The following TMTC1 variants were observed in gnomAD, a reference collection of about 807,000 sequenced individuals.
TMTC1 encodes protein O-mannosyl-transferase TMTC1.
Under a neutral mutation model 104.8 loss-of-function variants are expected in TMTC1, and 73 were observed. That is an observed-to-expected ratio of 0.70 (90% CI 0.58 to 0.85). TMTC1 has a LOEUF of 0.85. Ranked by LOEUF, TMTC1 falls within the 40% of genes least tolerant of loss-of-function variation. The pLI is 0.00. For missense variants in TMTC1, 1,035 were observed against 1,096.1 expected (o/e 0.94, Z 0.79); for synonymous variants, 434 against 428.7 (o/e 1.01, Z -0.15).
chr12:29,663,784 T>C (rs1591888236), intron 5 of TMTC1, among the ~76,000 whole-genome samples: 1 of 151,562 alleles, frequency 6.6e-6, no homozygotes, highest in Non-Finnish European at 1.5e-5. Context: ...CTCAAAGTGC[T>C]GGGATTACAG....
intron 2 of TMTC1, among the ~76,000 whole-genome samples, chr12:29,763,262 G>A (rs113367376): frequency 7.6e-4 from 116 of 152,294 alleles, no homozygotes; most frequent in Non-Finnish European, 1.3e-3. Flanking sequence ...TCAAATATTC[G>A]TGTAACACTG....
intron 11 of TMTC1, among the ~76,000 whole-genome samples, chr12:29,524,635 G>A (rs1944283872): frequency 6.6e-6 from 1 of 152,176 alleles, no homozygotes; most frequent in Non-Finnish European, 1.5e-5. Flanking sequence ...GAAACTCCAT[G>A]TTTAAACTTC....
intron 5 of TMTC1, among the ~76,000 whole-genome samples, chr12:29,671,068 C>T (rs1449706414): frequency 1.3e-5 from 2 of 151,122 alleles, no homozygotes; most frequent in African/African-American, 4.9e-5. Flanking sequence ...CTGAGGTGGG[C>T]GGATCACGAG....
intron 15 of TMTC1, among the ~76,000 whole-genome samples, chr12:29,515,654 A>G (rs1943963185): frequency 6.6e-6 from 1 of 151,852 alleles, no homozygotes; most frequent in Non-Finnish European, 1.5e-5. Context: ...GTAGCGCTTC[A>G]TGATATTCCT....
At chr12:29,600,223 A>T (rs942540375) in intron 7 of TMTC1, among the ~76,000 whole-genome samples, 12 of 152,100 alleles carry the variant, frequency 7.9e-5, no homozygotes, top group Middle Eastern at 3.4e-3. Flanking sequence ...CATCCACGGG[A>T]TGCCTATAGC....
intron 5 of TMTC1, chr12:29,666,127 A>G (rs1256931438): frequency 2.4e-6 from 1 of 417,418 alleles, no homozygotes; most frequent in African/African-American, 2.1e-5. Flanking sequence ...TGTTATTTGA[A>G]TATTTTTAAC....
intron 6 of TMTC1, among the ~76,000 whole-genome samples, chr12:29,623,919 TC>T (rs1174725261): frequency 6.6e-6 from 1 of 152,144 alleles, no homozygotes; most frequent in Non-Finnish European, 1.5e-5. Flanking sequence ...TTTCCTTCAG[TC>T]CCCACCTCCT....
chr12:29,517,392 A>G (rs1274518308), intron 14 of TMTC1, 35 bp downstream of exon 14: 3 of 1,612,642 alleles, frequency 1.9e-6, no homozygotes, highest in Non-Finnish European at 2.5e-6. Context: ...GCCTGTGCTT[A>G]GGTTGCCAGC....
At chr12:29,663,561 G>C (rs1591887731) in intron 5 of TMTC1, among the ~76,000 whole-genome samples, 1 of 151,850 alleles carries the variant, frequency 6.6e-6, no homozygotes, top group South Asian at 2.1e-4. Context: ...TTGTCGCCCA[G>C]GCTAGAGTGT....
At chr12:29,642,550 C>A (rs983497478) in intron 5 of TMTC1, among the ~76,000 whole-genome samples, 1 of 151,964 alleles carries the variant, frequency 6.6e-6, no homozygotes, top group African/African-American at 2.4e-5. Flanking sequence ...TGAGAGAATT[C>A]ACAATTACCA....
At chr12:29,715,485 TTTTA>T (rs1193011379) in intron 5 of TMTC1, among the ~76,000 whole-genome samples, 2 of 152,192 alleles carry the variant, frequency 1.3e-5, no homozygotes. Context: ...TTCAATAACA[TTTTA>T]TTTTTCACTT....
chr12:29,703,079 G>T (rs1941643679), intron 5 of TMTC1, among the ~76,000 whole-genome samples: 1 of 151,912 alleles, frequency 6.6e-6, no homozygotes, highest in South Asian at 2.1e-4. Context: ...AGGAGGCAGA[G>T]GTTGCAGTGA....
chr12:29,732,530 T>C (rs138121832), intron 5 of TMTC1, among the ~76,000 whole-genome samples: 1 of 152,324 alleles, frequency 6.6e-6, no homozygotes, highest in East Asian at 1.9e-4. Context: ...AGAAATCCCA[T>C]TGTAGACCTG....
chr12:29,535,462 T>G (rs896273063), intron 11 of TMTC1: 10 of 152,206 alleles, frequency 6.6e-5, no homozygotes, highest in Admixed American at 6.5e-4. Context: ...CCTACAAAAC[T>G]GACATACAGT....
At chr12:29,663,563 C>G (rs189646101) in intron 5 of TMTC1, among the ~76,000 whole-genome samples, 28 of 152,032 alleles carry the variant, frequency 1.8e-4, no homozygotes, top group African/African-American at 5.3e-4. Context: ...GTCGCCCAGG[C>G]TAGAGTGTAG....
chr12:29,583,805 G>C (rs1592271019), intron 7 of TMTC1, among the ~76,000 whole-genome samples: 1 of 152,198 alleles, frequency 6.6e-6, no homozygotes, highest in African/African-American at 2.4e-5. Flanking sequence ...TGTAGGGAAT[G>C]AGAGAGTCAT....
In TMTC1 at chr12:29,503,780, A is replaced by C. The variant is rs998935967; in HGVS notation, c.*3066T>G. On this transcript the variant is annotated 3_prime_UTR_variant, in exon 18 of 18. Coordinates refer to ENST00000539277, the MANE Select transcript of TMTC1 (RefSeq NM_001193451.2). ...GAAAGTGTGGACCTCTTGCTCAAAA[A>C]TTATTAATTATTAAGAATTTCAGTT... is the stretch of plus-strand genomic sequence containing the variant. 1 of 152,174 alleles carries C rather than the reference A, an allele frequency of 6.6e-6. No homozygotes were observed. The highest frequency in any genetic ancestry group is 1.5e-5 in the Non-Finnish European group (1 of 68,048). The allele number at this position is 152,174 out of a possible 1,614,324, so 9.4% of individuals were successfully genotyped here.
chr12:29,775,631 C>T (rs1490155166), intron 1 of TMTC1, among the ~76,000 whole-genome samples: 2 of 152,142 alleles, frequency 1.3e-5, no homozygotes, highest in Non-Finnish European at 2.9e-5. Context: ...TGATTACCTA[C>T]CAGGGAAGTT....
At chr12:29,681,099 C>CAAAAAAAAAAAAAAAAAAAAAAAAAA (rs71045827) in intron 5 of TMTC1, among the ~76,000 whole-genome samples, 2 of 107,238 alleles carry the variant, frequency 1.9e-5, no homozygotes. Context: ...ACCCTGTCTC[C>CAAAAAAAAAAAAAAAAAAAAAAAAAA]AAAAAAAAAA....
Sources: allele counts gnomAD v4.1 joint callset (sites outside exome capture counted in the v4.1 genomes callset), GRCh38; gene constraint gnomAD v4.1.1; transcripts MANE v1.5; gene names NCBI Gene and HGNC (gene_info 2026-07-23, HGNC 2026-07-21).